The following PITPNM2 variants were observed in gnomAD, a reference collection of about 807,000 sequenced individuals.
The protein encoded by PITPNM2 is phosphatidylinositol transfer protein membrane associated 2.
Under a neutral mutation model 132.2 loss-of-function variants are expected in PITPNM2, and 35 were observed. That is an observed-to-expected ratio of 0.26 (90% confidence interval 0.20 to 0.35). PITPNM2 has a LOEUF of 0.35. Ranked by LOEUF, PITPNM2 falls within the 10% of genes least tolerant of loss-of-function variation. The probability of loss-of-function intolerance (pLI) is 1.00; values close to 1 mark genes in which losing one functional copy is unlikely to be tolerated. For missense variants in PITPNM2, 1,332 were observed against 1,912.0 expected, an observed-to-expected ratio of 0.70 and a Z score of 5.66; for synonymous variants, 738 against 799.2, an observed-to-expected ratio of 0.92 and a Z score of 1.29.
At chr12:123,105,106 T>C (rs1446214740) in intron 2 of PITPNM2, among the ~76,000 whole-genome samples, 8 of 152,066 alleles carry the variant, frequency 5.3e-5, no homozygotes, top group Non-Finnish European at 1.2e-4. Context: ...CTCAGGGCCT[T>C]TCTCCCTGAG....
chr12:123,101,060 A>AT (rs1470939850), intron 2 of PITPNM2, among the ~76,000 whole-genome samples: 2 of 152,228 alleles, frequency 1.3e-5, no homozygotes, highest in Non-Finnish European at 2.9e-5. Context: ...AGCCACTCCT[A>AT]TTTGTTTTAG....
chr12:123,151,803 C>A (rs548433547), upstream of PITPNM2, among the ~76,000 whole-genome samples: 5 of 152,330 alleles, frequency 3.3e-5, no homozygotes, highest in South Asian at 1.0e-3. Context: ...TTGGCAAAAT[C>A]TGAAGTCATG....
In PITPNM2 at chr12:123,063,179, A is replaced by T. The variant is rs150506146; in HGVS notation, c.-95-28494T>A. 3.4e-3 allele frequency among the ~76,000 whole-genome samples: 523 copies of T among 152,334 alleles called. 3 individuals are homozygous for T. Among genetic ancestry groups the T allele is most frequent in the Middle Eastern group, 6.8e-3 (2 of 294 alleles). ...GGCCTGTGACTGGGCAAGCAAGGGT[A>T]GGCAGGAATGAGGAACACGGCAGGG... is the stretch of plus-strand genomic sequence containing the variant. On this transcript the variant is annotated intron_variant, in intron 2 of 25. Transcript: ENST00000320201.
rs17884869 is a variant in PITPNM2 at position 123,034,565 on chromosome 12, G to A, written c.26C>T (p.Pro9Leu). The change falls in exon 3 of 26, where the codon CCT becomes CTT. Residue 9 changes from proline (P) to leucine (L), a missense_variant. Transcript: ENST00000320201. MIIKEYRI[P>L]LPMTVEEYRI... ...GTACTCCTCCACGGTCATTGGCAGA[G>A]GAATCCGATATTCCTTTATAATCAT... 0.022 allele frequency: 35,301 copies of A among 1,614,106 alleles called. 493 individuals carry two copies. Among genetic ancestry groups the A allele is most frequent in the Non-Finnish European group, 0.025 (29,768 of 1,179,936 alleles).
At chr12:123,018,505 G>T (rs531912508) in intron 3 of PITPNM2, among the ~76,000 whole-genome samples, 165 of 151,806 alleles carry the variant, frequency 1.1e-3, no homozygotes, top group Middle Eastern at 3.4e-3. Context: ...ATGTTGGCCA[G>T]GAGTTTGGGG....
intron 1 of PITPNM2, among the ~76,000 whole-genome samples, chr12:123,133,647 G>A (rs969400061): frequency 1.3e-5 from 2 of 152,162 alleles, no homozygotes; most frequent in African/African-American, 4.8e-5. Context: ...GAAAGGACTA[G>A]AATACTTTTC....
At chr12:123,065,517 G>A (rs1216611886) in intron 2 of PITPNM2, among the ~76,000 whole-genome samples, 2 of 152,250 alleles carry the variant, frequency 1.3e-5, no homozygotes, top group Middle Eastern at 3.2e-3. Flanking sequence ...ACCAGGCTCT[G>A]TGGGAGCAGC....
In PITPNM2 at chr12:122,990,534, G is replaced by A; in HGVS notation, c.2569+11C>T. 6.2e-7 allele frequency: 1 copy of A among 1,612,394 alleles called. No homozygotes were observed. Among genetic ancestry groups the A allele is most frequent in the Non-Finnish European group, 8.5e-7 (1 of 1,179,784 alleles). ...GCTGAGTGAGGAGGGTGAGGGGCCT[G>A]GTATACTCACTCTGGGCGATGCTGG... On this transcript the variant is annotated intron_variant, in intron 17 of 25. Coordinates refer to ENST00000320201, the MANE Select transcript of PITPNM2 (RefSeq NM_020845.3).
chr12:123,030,692 C>CAAA (rs36106584), intron 3 of PITPNM2, among the ~76,000 whole-genome samples: 1 of 104,788 alleles, frequency 9.5e-6, no homozygotes, highest in Non-Finnish European at 2.0e-5. Flanking sequence ...GACTCCATCT[C>CAAA]AAAAAAAAAA....
intron 1 of PITPNM2, among the ~76,000 whole-genome samples, chr12:123,118,850 G>A (rs994977533): frequency 2.0e-5 from 3 of 152,210 alleles, no homozygotes; most frequent in African/African-American, 7.2e-5. Flanking sequence ...ACCACTGATG[G>A]GTTGTTTAGA....
At position 123,005,684 on chromosome 12, in the gene PITPNM2, T is replaced by C. The variant is rs2038898059; in HGVS notation, c.644-136A>G. On this transcript the variant is annotated intron_variant, in intron 6 of 25. Transcript: ENST00000320201. The surrounding 1 kb of genome is among the most constrained non-coding windows in gnomAD (Gnocchi z 6.2). The stretch of plus-strand genomic sequence containing the variant: ...TGCAGGTCAAACTAAAGTCACTGCC[T>C]GTCTGTGCCTCAGTTTCCCCATTTG... 2.2e-5 allele frequency: 17 copies of C among 770,972 alleles called. No homozygotes were observed. In the South Asian group the frequency reaches 3.0e-4, roughly 14 times the overall value. The allele number at this position is 770,972 out of a possible 1,614,324, so 47.8% of individuals were successfully genotyped here.
At chr12:123,059,281 C>G (rs1272872191) in intron 2 of PITPNM2, among the ~76,000 whole-genome samples, 1 of 152,216 alleles carries the variant, frequency 6.6e-6, no homozygotes, top group East Asian at 1.9e-4. Flanking sequence ...CAGCCCCTGC[C>G]CCTTTCCGTA....
In PITPNM2 at chr12:123,095,661, C is replaced by T. The variant is rs145460532; in HGVS notation, c.-96+14724G>A. Among the ~76,000 whole-genome samples, 14 of 152,268 alleles carry T rather than the reference C, an allele frequency of 9.2e-5. No homozygotes were observed. The East Asian group carries it at 1.9e-3, about 21-fold the overall frequency. On this transcript the variant is annotated intron_variant, in intron 2 of 25. Transcript: ENST00000320201. The surrounding 1 kb of genome is among the most constrained non-coding windows in gnomAD (Gnocchi z 5.0). ...TAAGCTCCTTAACTAGGGCACGAGG[C>T]CCCCAACCTGGTCCTCCCTGCAGCT...
chr12:123,132,057 G>A (rs2043276180), intron 1 of PITPNM2, among the ~76,000 whole-genome samples: 1 of 152,230 alleles, frequency 6.6e-6, no homozygotes, highest in African/African-American at 2.4e-5. Context: ...ATTCCCCCAG[G>A]ACTGAAGCAC....
intron 1 of PITPNM2, among the ~76,000 whole-genome samples, chr12:123,141,793 C>T (rs943242424): frequency 6.6e-6 from 1 of 152,086 alleles, no homozygotes; most frequent in East Asian, 1.9e-4. Flanking sequence ...GTCTTAATCC[C>T]GCTCCACTGC....
intron 2 of PITPNM2, among the ~76,000 whole-genome samples, chr12:123,086,186 G>A (rs1051181086): frequency 2.6e-5 from 4 of 152,184 alleles, no homozygotes; most frequent in Admixed American, 6.5e-5. Flanking sequence ...GGAAAGCCAG[G>A]GCCCCAACAC....
At chr12:123,028,033 A>G (rs56020503) in intron 3 of PITPNM2, among the ~76,000 whole-genome samples, 6,493 of 152,290 alleles carry the variant, frequency 0.043, 458 homozygotes, top group African/African-American at 0.15. Context: ...AGACAGCGGC[A>G]GTTGGACAGC....
Position 123,000,824 on chromosome 12 carries a change from G to A in PITPNM2, c.1178C>T (p.Pro393Leu), listed in dbSNP as rs1422358737. Residue 393 changes from proline (P) to leucine (L), a missense_variant, in exon 10 of 26, where the codon CCT (proline) becomes CTT (leucine). Physicochemically the swap from Pro to Leu is moderately conservative, Grantham distance 98. This residue lies in a region of PITPNM2 where 710 missense variants were observed against 911.5 expected (regional missense o/e 0.78). Coordinates refer to ENST00000320201, the MANE Select transcript of PITPNM2 (RefSeq NM_020845.3). The surrounding 1 kb of genome is among the most constrained non-coding windows in gnomAD (Gnocchi z 5.4). ...TQDGLYRQGAPEFRVASSVEQ... is the reference protein window; with the variant it reads ...TQDGLYRQGALEFRVASSVEQ... ...CACACTGGAGGCCACCCTGAACTCA[G>A]GGGCACCCTGGCGGTACAGACCATC... 6.2e-7 allele frequency: 1 copy of A among 1,613,946 alleles called. No homozygotes were observed. Among genetic ancestry groups the A allele is most frequent in the African/African-American group, 1.3e-5 (1 of 74,946 alleles).
Position 123,008,836 on chromosome 12 carries a change from G to A in PITPNM2, c.643+1014C>T, listed in dbSNP as rs570127545. On this transcript the variant is annotated intron_variant, in intron 6 of 25. Transcript: ENST00000320201. The surrounding 1 kb of genome is among the most constrained non-coding windows in gnomAD (Gnocchi z 4.1). ...TTCGCTTCTCCAAGTGGAAGACCGC[G>A]TCCTTGGACCCCAATCCTTTCGGGT... Among the ~76,000 whole-genome samples, 3 of 152,314 alleles carry A rather than the reference G, an allele frequency of 2.0e-5. No individual in the cohort carries two copies. In the East Asian group the frequency reaches 5.8e-4, roughly 29 times the overall value.
Sources: allele counts gnomAD v4.1 joint callset (sites outside exome capture counted in the v4.1 genomes callset), GRCh38; gene constraint gnomAD v4.1.1; regional missense constraint gnomAD v4.1.1; non-coding constraint Gnocchi (gnomAD v3.1); transcripts MANE v1.5; gene names NCBI Gene and HGNC (gene_info 2026-07-23, HGNC 2026-07-21).